SLCO3A1: variants seen among roughly 807,000 people sequenced by gnomAD.
SLCO3A1 encodes the protein solute carrier organic anion transporter family member 3A1.
SLCO3A1 carries 27 observed loss-of-function variants against 63.1 expected under a neutral mutation model. The observed-to-expected ratio is 0.43, with a 90% CI of 0.32 to 0.59. The LOEUF (loss-of-function observed/expected upper bound fraction) is 0.59. SLCO3A1 is among the 20% of genes least tolerant of loss of function. The pLI is 0.09. For synonymous variants in SLCO3A1, 473 were observed against 409.9 expected (o/e 1.15, Z -1.86); for missense variants, 773 against 945.8 (o/e 0.82, Z 2.40).
chr15:91,986,067 C>T (rs981283794), intron 2 of SLCO3A1, among the ~76,000 whole-genome samples: 5 of 152,144 alleles, frequency 3.3e-5, no homozygotes, highest in Admixed American at 1.3e-4. Flanking sequence ...CCTTGAGGAG[C>T]GTGACAAGGT....
At chr15:92,100,920 C>T (rs549857589) in intron 3 of SLCO3A1, among the ~76,000 whole-genome samples, 3 of 152,334 alleles carry the variant, frequency 2.0e-5, no homozygotes, top group African/African-American at 7.2e-5. Flanking sequence ...AGCTCATACA[C>T]ACTTCCACAC....
intron 9 of SLCO3A1, among the ~76,000 whole-genome samples, chr15:92,154,526 C>G (rs1387398970): frequency 6.6e-6 from 1 of 152,028 alleles, no homozygotes; most frequent in Non-Finnish European, 1.5e-5. Flanking sequence ...AATGAGGGGG[C>G]CATCTTTGAT....
intron 6 of SLCO3A1, among the ~76,000 whole-genome samples, chr15:92,126,493 C>T (rs1328198198): frequency 1.3e-5 from 2 of 152,172 alleles, no homozygotes. Context: ...GCCGTTTCCT[C>T]CCTGGCAGAC....
chr15:91,925,991 C>G (rs774854525), intron 2 of SLCO3A1, among the ~76,000 whole-genome samples: 1 of 152,188 alleles, frequency 6.6e-6, no homozygotes, highest in African/African-American at 2.4e-5. Flanking sequence ...TTGCTTCCCT[C>G]TTGAGGTATA....
rs181672255 is a variant in SLCO3A1, at chr15:92,074,664, C to A, written c.647-20217C>A. Among the ~76,000 whole-genome samples, 327 of 152,288 alleles carry A rather than the reference C, an allele frequency of 2.1e-3. 1 individual carries two copies. Among genetic ancestry groups the A allele is most frequent in the Non-Finnish European group, 4.0e-3 (272 of 68,030 alleles). On this transcript the variant is annotated intron_variant, in intron 2 of 9. Coordinates refer to ENST00000318445, the MANE Select transcript of SLCO3A1 (RefSeq NM_013272.4). ...GCTCAGATTTCTCTAGAGGAACACACTGCCTGCAAGGATGAGTTTTCCAGA... is the reference window on the plus strand; with the variant it reads ...GCTCAGATTTCTCTAGAGGAACACAATGCCTGCAAGGATGAGTTTTCCAGA...
At chr15:92,101,461 A>T (rs1333703848) in intron 3 of SLCO3A1, among the ~76,000 whole-genome samples, 9 of 152,082 alleles carry the variant, frequency 5.9e-5, no homozygotes, top group East Asian at 5.8e-4. Context: ...GTAAGCCAAG[A>T]TCACACCACT....
At chr15:92,167,698 T>C (rs1459363646), downstream of SLCO3A1, among the ~76,000 whole-genome samples, 5 of 152,326 alleles carry the variant, frequency 3.3e-5, no homozygotes, top group East Asian at 5.8e-4. Context: ...TTATGGGGCC[T>C]GTTGCCTAGA....
intron 1 of SLCO3A1, among the ~76,000 whole-genome samples, chr15:91,874,109 AT>A: frequency 6.6e-6 from 1 of 152,304 alleles, no homozygotes; most frequent in East Asian, 1.9e-4. Flanking sequence ...GTATATACCT[AT>A]GATAAAGTTT....
chr15:92,069,062 C>T (rs1469965329), intron 2 of SLCO3A1, among the ~76,000 whole-genome samples: 1 of 152,082 alleles, frequency 6.6e-6, no homozygotes, highest in Non-Finnish European at 1.5e-5. Flanking sequence ...ACTCCATGCT[C>T]CAAATCAGTG....
In SLCO3A1 at chr15:92,002,073, T is replaced by C. The variant is rs560501308; in HGVS notation, c.646+85615T>C. ...AGACCACGACATAGGGACTCTTGGG[T>C]AAGTGCTGAATCCATATTGAGCCCT... On this transcript the variant is annotated intron_variant, in intron 2 of 9. Coordinates refer to ENST00000318445, the MANE Select transcript of SLCO3A1 (RefSeq NM_013272.4). 2.0e-5 allele frequency among the ~76,000 whole-genome samples: 3 copies of C among 152,274 alleles called. No individual in the cohort carries two copies. The South Asian group carries it at 6.2e-4, about 32-fold the overall frequency.
intron 2 of SLCO3A1, among the ~76,000 whole-genome samples, chr15:92,046,818 C>G (rs534952936): frequency 1.3e-5 from 2 of 149,774 alleles, no homozygotes; most frequent in South Asian, 4.2e-4. Context: ...TGTCTGTCAC[C>G]TAGGTCTGTC....
rs1463123410 is a variant in SLCO3A1 at position 91,876,727 on chromosome 15, C to T, written c.180+22639C>T. ...GTTCTCTTTACTGTGAGTCTTTTCT[C>T]CCAGCCAGTCCACTGAGTAGGCCTG... On this transcript the variant is annotated intron_variant, in intron 1 of 9. Coordinates refer to ENST00000318445, the MANE Select transcript of SLCO3A1 (RefSeq NM_013272.4). Among the ~76,000 whole-genome samples the T allele has an allele frequency of 2.0e-5, 3 of 152,190 alleles. No individual in the cohort carries two copies. The East Asian group carries it at 5.8e-4, about 29-fold the overall frequency.
rs191988837 is a variant in SLCO3A1 at position 92,020,541 on chromosome 15, C to T, written c.647-74340C>T. On this transcript the variant is annotated intron_variant, in intron 2 of 9. Transcript: ENST00000318445. ...ATCCATTTTTATTTTCATTTTCCTA[C>T]AGTTTCATGGTGGCCACTCTTGACT... Among the ~76,000 whole-genome samples the T allele has an allele frequency of 1.8e-4, 27 of 152,280 alleles. No individual in the cohort carries two copies. The East Asian group carries it at 4.8e-3, about 27-fold the overall frequency.
chr15:92,092,102 A>G (rs1195817879), intron 2 of SLCO3A1, among the ~76,000 whole-genome samples: 1 of 152,140 alleles, frequency 6.6e-6, no homozygotes, highest in Non-Finnish European at 1.5e-5. Flanking sequence ...AGAGGGCAGG[A>G]GGCCTGGGAC....
Position 92,163,261 on chromosome 15 carries a change from G to A in SLCO3A1, c.*126G>A, listed in dbSNP as rs572801409. On this transcript the variant is annotated 3_prime_UTR_variant, in exon 10 of 10. Coordinates refer to ENST00000318445, the MANE Select transcript of SLCO3A1 (RefSeq NM_013272.4). ...CACACAGGCACAGATGCACACACAC[G>A]CAGACAGACACACCGACTTTGTCCT... The A allele has an allele frequency of 3.2e-4, 437 of 1,365,960 alleles. No homozygotes were observed. The highest frequency in any genetic ancestry group is 1.4e-3 in the African/African-American group (93 of 66,696). 84.6% of individuals were successfully genotyped at this position (1,365,960 alleles called of 1,614,324 possible). A position where few individuals can be genotyped will look rare whatever the true frequency, so the allele number is the denominator to read the frequency against.
chr15:91,917,527 G>A (rs960978480), intron 2 of SLCO3A1, among the ~76,000 whole-genome samples: 1 of 152,162 alleles, frequency 6.6e-6, no homozygotes. Context: ...TACTGAACAC[G>A]GATGTTGCAC....
rs114435696 is a variant in SLCO3A1, at chr15:92,091,672, G to A, written c.647-3209G>A. Among the ~76,000 whole-genome samples the A allele has an allele frequency of 4.2e-3, 639 of 152,316 alleles. 7 individuals are homozygous for A. Among genetic ancestry groups the A allele is most frequent in the African/African-American group, 0.014 (601 of 41,566 alleles). On this transcript the variant is annotated intron_variant, in intron 2 of 9. Transcript: ENST00000318445. Reference sequence around the variant, plus strand: ...TGTCCTTTGAAAAAGGTTCGAGAACGCGTTGCAGGTGGTGGTTTACCTTGA... The same window carrying A: ...TGTCCTTTGAAAAAGGTTCGAGAACACGTTGCAGGTGGTGGTTTACCTTGA...
chr15:92,051,063 C>A (rs1176525471), intron 2 of SLCO3A1, among the ~76,000 whole-genome samples: 1 of 152,210 alleles, frequency 6.6e-6, no homozygotes, highest in Middle Eastern at 3.2e-3. Flanking sequence ...GTCACATACA[C>A]CTGTTGTGTT....
chr15:91,956,407 C>T (rs1900180123), intron 2 of SLCO3A1, among the ~76,000 whole-genome samples: 1 of 152,184 alleles, frequency 6.6e-6, no homozygotes, highest in Non-Finnish European at 1.5e-5. Context: ...GGGTTTTTCC[C>T]TCCAGCTTTG....
Sources: gnomAD v4.1 joint callset for allele counts (sites outside exome capture counted in the v4.1 genomes callset) on GRCh38, gnomAD v4.1.1 for gene constraint, MANE v1.5 for transcripts, NCBI Gene and HGNC (gene_info 2026-07-23, HGNC 2026-07-21) for gene names.